DNAH9: variants seen among roughly 807,000 people sequenced by gnomAD.
The protein encoded by DNAH9 is dynein axonemal heavy chain 9.
DNAH9 carries 345 observed loss-of-function variants against 471.6 expected under a neutral mutation model. That is an observed-to-expected ratio of 0.73 (90% CI 0.67 to 0.80). The LOEUF (loss-of-function observed/expected upper bound fraction) is 0.80. Ranked by LOEUF, DNAH9 falls within the 30% of genes least tolerant of loss-of-function variation. The pLI is 0.00. For missense variants in DNAH9, 5,407 were observed against 5,609.2 expected (o/e 0.96, Z 1.15); for synonymous variants, 2,093 against 2,123.6 (o/e 0.99, Z 0.40).
chr17:11,806,546 C>T (rs1420701223), intron 43 of DNAH9, among the ~76,000 whole-genome samples: 1 of 151,534 alleles, frequency 6.6e-6, no homozygotes, highest in African/African-American at 2.4e-5. Flanking sequence ...GAAACAATCA[C>T]AGTATATTGC....
At chr17:11,656,036 T>C (rs914842495) in intron 14 of DNAH9, among the ~76,000 whole-genome samples, 5 of 152,176 alleles carry the variant, frequency 3.3e-5, no homozygotes, top group Non-Finnish European at 5.9e-5. Flanking sequence ...CTGTGCCCAG[T>C]ATCTTTTTCA....
At chr17:11,819,284 C>T (rs542564259) in intron 45 of DNAH9, among the ~76,000 whole-genome samples, 1 of 152,304 alleles carries the variant, frequency 6.6e-6, no homozygotes, top group East Asian at 1.9e-4. Context: ...GGTATCACCG[C>T]TTTCCCAAAA....
At chr17:11,831,989 C>G (rs1311221206) in intron 48 of DNAH9, among the ~76,000 whole-genome samples, 1 of 152,218 alleles carries the variant, frequency 6.6e-6, no homozygotes, top group East Asian at 1.9e-4. Context: ...GAAAGGGTCT[C>G]TTCTGTGTTT....
At chr17:11,728,093 A>C in intron 28 of DNAH9, 171 bp downstream of exon 28, 1 of 592,076 alleles carries the variant, frequency 1.7e-6, no homozygotes. Flanking sequence ...TGTCCTCCAA[A>C]ATGGGTATCC....
At position 11,937,405 on chromosome 17, in the gene DNAH9, G is replaced by A. The variant is rs571913392; in HGVS notation, c.12543G>A (p.Pro4181=). ...PESPYLYGLH[P]NAEIGFLTQT... ...CCCCCTACCTCTATGGCCTCCACCC[G>A]AACGCAGAGATTGGCTTCCTGACCC... The change falls in exon 66 of 69, where the codon CCG becomes CCA. Residue 4181 remains proline, a synonymous_variant. Coordinates refer to ENST00000262442, the MANE Select transcript of DNAH9 (RefSeq NM_001372.4). The surrounding 1 kb of genome is among the most constrained non-coding windows in gnomAD (Gnocchi z 4.1). The A allele has an allele frequency of 4.8e-5, 77 of 1,614,010 alleles. No homozygotes were observed. Among genetic ancestry groups the A allele is most frequent in the South Asian group, 9.9e-5 (9 of 91,070 alleles).
At chr17:11,762,770 GTT>G (rs563544881) in intron 35 of DNAH9, among the ~76,000 whole-genome samples, 1,000 of 90,796 alleles carry the variant, frequency 0.011, 31 homozygotes, top group African/African-American at 0.039. Context: ...TTTTTTTTTT[GTT>G]TTTTTTTTTT....
chr17:11,909,626 T>C (rs866762683), intron 61 of DNAH9, among the ~76,000 whole-genome samples: 2 of 152,242 alleles, frequency 1.3e-5, no homozygotes, highest in Non-Finnish European at 1.5e-5. Context: ...AATCTTTCAG[T>C]GGCATTTGCC....
chr17:11,713,264 C>T (rs1314935934), intron 26 of DNAH9, among the ~76,000 whole-genome samples: 3 of 151,992 alleles, frequency 2.0e-5, no homozygotes, highest in East Asian at 1.9e-4. Context: ...TAGTATTCGG[C>T]GGTGTATACG....
chr17:11,959,171 G>A (rs1371141946), intron 67 of DNAH9, among the ~76,000 whole-genome samples: 1 of 152,032 alleles, frequency 6.6e-6, no homozygotes, highest in African/African-American at 2.4e-5. Context: ...AATTGTGAGG[G>A]ACTGCCTGCT....
chr17:11,938,449 C>T (rs1974785027), intron 66 of DNAH9, among the ~76,000 whole-genome samples: 1 of 109,946 alleles, frequency 9.1e-6, no homozygotes, highest in African/African-American at 3.6e-5. Flanking sequence ...CAGAGCAAGA[C>T]TGTCTCCAAA....
chr17:11,864,409 T>C (rs1327945862), intron 50 of DNAH9, among the ~76,000 whole-genome samples: 1 of 152,030 alleles, frequency 6.6e-6, no homozygotes, highest in African/African-American at 2.4e-5. Context: ...ATTTCTGTTC[T>C]TTTACATTTG....
chr17:11,931,768 T>A (rs1254356437), intron 63 of DNAH9, among the ~76,000 whole-genome samples: 3 of 152,130 alleles, frequency 2.0e-5, no homozygotes, highest in African/African-American at 7.2e-5. Context: ...TATTAGCACA[T>A]CCGTATGCAT....
At position 11,892,047 on chromosome 17, in the gene DNAH9, C is replaced by A. The variant is rs1041976549; in HGVS notation, c.11283+100C>A. 3 of 1,345,038 alleles carry A rather than the reference C, an allele frequency of 2.2e-6. No individual in the cohort carries two copies. Among genetic ancestry groups the A allele is most frequent in the Non-Finnish European group, 3.1e-6 (3 of 962,422 alleles). The allele number at this position is 1,345,038 out of a possible 1,614,324, so 83.3% of individuals were successfully genotyped here. A position where few individuals can be genotyped will look rare whatever the true frequency, so the allele number is the denominator to read the frequency against. On this transcript the variant is annotated intron_variant, in intron 58 of 68. Transcript: ENST00000262442. This position sits in a 1 kb window ranked among gnomAD's most constrained non-coding sequence, Gnocchi z 4.3. ...CTTCTTTGAACATCACTTTCCACAG[C>A]ATGTCCAGACTATCTGTCTTTGGAT...
At chr17:11,756,282 A>C (rs71369657) in intron 33 of DNAH9, among the ~76,000 whole-genome samples, 62,815 of 149,884 alleles carry the variant, frequency 0.42, 13,253 homozygotes, top group East Asian at 0.51. Context: ...GTCAAAAAAA[A>C]AAAAAAAAAA....
At chr17:11,934,588 G>C (rs2151038817) in intron 65 of DNAH9, among the ~76,000 whole-genome samples, 1 of 151,676 alleles carries the variant, frequency 6.6e-6, no homozygotes, top group Middle Eastern at 3.4e-3. Context: ...TGGGACTACA[G>C]GCGCCCGCCA....
chr17:11,676,456 A>G (rs1431701209), intron 17 of DNAH9, among the ~76,000 whole-genome samples: 1 of 150,746 alleles, frequency 6.6e-6, no homozygotes, highest in Non-Finnish European at 1.5e-5. Context: ...CTAATTTTGT[A>G]TTTTTTAGTA....
chr17:11,659,097 G>A lies in DNAH9; in HGVS notation c.2596-5736G>A, dbSNP rs538663943. ...CTTAAATATGTGATAGAATTCACCA[G>A]GGAATACTTCTGGATATGGATGTTT... On this transcript the variant is annotated intron_variant, in intron 14 of 68. Coordinates refer to ENST00000262442, the MANE Select transcript of DNAH9 (RefSeq NM_001372.4). Among the ~76,000 whole-genome samples the A allele has an allele frequency of 2.0e-5, 3 of 151,572 alleles. No homozygotes were observed. The East Asian group carries it at 5.8e-4, about 29-fold the overall frequency.
At chr17:11,925,188 A>G in intron 62 of DNAH9, 1 of 455,892 alleles carries the variant, frequency 2.2e-6, no homozygotes, top group South Asian at 1.6e-5. Flanking sequence ...TTTACCTTTT[A>G]TCACCCAGCC....
At chr17:11,880,350 C>A in intron 54 of DNAH9, 150 bp downstream of exon 54, 2 of 1,056,194 alleles carry the variant, frequency 1.9e-6, no homozygotes, top group Non-Finnish European at 2.6e-6. Flanking sequence ...TTTCTTCCAG[C>A]AGAGGTCTAT....
Sources: gnomAD v4.1 joint callset for allele counts (sites outside exome capture counted in the v4.1 genomes callset) on GRCh38, gnomAD v4.1.1 for gene constraint, Gnocchi (gnomAD v3.1) non-coding constraint, MANE v1.5 for transcripts, NCBI Gene and HGNC (gene_info 2026-07-23, HGNC 2026-07-21) for gene names.